The following MAP4K3 variants were observed in gnomAD, a reference collection of about 807,000 sequenced individuals.
MAP4K3 encodes mitogen-activated protein kinase kinase kinase kinase 3, also known as MAPK/ERK kinase kinase kinase 3.
In MAP4K3, 94 loss-of-function variants were observed where a neutral mutation model predicts 143.5. The ratio of observed to expected loss-of-function variants is 0.65; its 90% confidence interval spans 0.55 to 0.78. The LOEUF (loss-of-function observed/expected upper bound fraction) is 0.78. Ranked by LOEUF, MAP4K3 falls within the 30% of genes least tolerant of loss-of-function variation. The pLI, the probability that MAP4K3 is intolerant of heterozygous loss-of-function variation, is 0.00. For missense variants in MAP4K3, 1,077 were observed against 1,068.1 expected, an observed-to-expected ratio of 1.01 and a Z score of -0.12; for synonymous variants, 416 against 347.2, an observed-to-expected ratio of 1.20 and a Z score of -2.20.
intron 12 of MAP4K3, 63 bp downstream of exon 12, chr2:39,325,455 G>C: frequency 9.0e-7 from 1 of 1,106,082 alleles, no homozygotes; most frequent in Non-Finnish European, 1.3e-6. Context: ...CGTACATACA[G>C]ACACACATAT....
chr2:39,397,585 AT>A (rs1291806952), intron 1 of MAP4K3, among the ~76,000 whole-genome samples: 2 of 152,298 alleles, frequency 1.3e-5, no homozygotes, highest in African/African-American at 2.4e-5. Flanking sequence ...AAAAGTATCA[AT>A]TTTTTTCCTC....
chr2:39,436,601 G>A (rs1157470230), intron 1 of MAP4K3: 4 of 440,168 alleles, frequency 9.1e-6, no homozygotes, highest in Middle Eastern at 6.4e-4. Flanking sequence ...CTATGGATGA[G>A]CAGTGTGGCC....
intron 21 of MAP4K3, chr2:39,283,610 G>A (rs946463847): frequency 2.0e-5 from 3 of 152,112 alleles, no homozygotes; most frequent in African/African-American, 7.2e-5. Context: ...TTTGCTAAGT[G>A]AAGTTCCAAA....
At chr2:39,392,332 C>G (rs1374272921) in intron 1 of MAP4K3, among the ~76,000 whole-genome samples, 1 of 151,594 alleles carries the variant, frequency 6.6e-6, no homozygotes, top group East Asian at 1.9e-4. Flanking sequence ...TTTTTTAATT[C>G]AAAAAAGAAA....
chr2:39,412,531 A>C (rs1018218093), intron 1 of MAP4K3, among the ~76,000 whole-genome samples: 8 of 30,232 alleles, frequency 2.6e-4, no homozygotes, highest in Non-Finnish European at 8.7e-5. Context: ...ATATGATAGA[A>C]TATGACTTGA....
chr2:39,333,997 GTGTT>G (rs745679934), intron 6 of MAP4K3, among the ~76,000 whole-genome samples: 2 of 148,488 alleles, frequency 1.3e-5, no homozygotes, highest in African/African-American at 5.1e-5. Flanking sequence ...GTGTGTGTGT[GTGTT>G]TTTAAAAGAA....
chr2:39,275,800 T>C (rs887449587), intron 24 of MAP4K3, among the ~76,000 whole-genome samples: 3 of 152,344 alleles, frequency 2.0e-5, no homozygotes, highest in South Asian at 2.1e-4. Context: ...AAAATGAAGA[T>C]GAAACTGTTT....
chr2:39,362,997 A>G (rs943541991), intron 2 of MAP4K3, among the ~76,000 whole-genome samples: 3 of 152,234 alleles, frequency 2.0e-5, no homozygotes, highest in Admixed American at 2.0e-4. Flanking sequence ...GCAGCATGCA[A>G]AAGAATGACA....
chr2:39,333,955 C>T (rs1017821325), intron 6 of MAP4K3, among the ~76,000 whole-genome samples: 19 of 114,746 alleles, frequency 1.7e-4, no homozygotes, highest in Admixed American at 1.1e-3. Context: ...TTATTGTTTC[C>T]CATTTTTGTG....
intron 1 of MAP4K3, among the ~76,000 whole-genome samples, chr2:39,426,220 G>A (rs953558996): frequency 2.6e-5 from 4 of 152,072 alleles, no homozygotes; most frequent in Non-Finnish European, 4.4e-5. Context: ...CAAATGAGGG[G>A]CATTCTACAA....
chr2:39,436,861 G>A (rs779524910), intron 1 of MAP4K3, 31 bp downstream of exon 1: 1 of 1,567,270 alleles, frequency 6.4e-7, no homozygotes, highest in East Asian at 2.4e-5. Flanking sequence ...GGGATCCCAC[G>A]GCCTCGGCGG....
chr2:39,326,605 C>G (rs116902912), intron 8 of MAP4K3, among the ~76,000 whole-genome samples: 15 of 152,062 alleles, frequency 9.9e-5, no homozygotes, highest in Admixed American at 7.2e-4. Context: ...GAAGGCATGA[C>G]TGGTTTTGAA....
At position 39,316,357 on chromosome 2, in the gene MAP4K3, G is replaced by A. The variant is rs147403118; in HGVS notation, c.919-969C>T. ...CCTGTGAAAACTGAACCTCTAGCTT[G>A]TCAGGAACAAAACTGATAACTAACT... On this transcript the variant is annotated intron_variant, in intron 12 of 33. Transcript: ENST00000263881. Among the ~76,000 whole-genome samples, 913 of 152,110 alleles carry A rather than the reference G, an allele frequency of 6.0e-3. 13 individuals carry two copies. The highest frequency in any genetic ancestry group is 0.021 in the African/African-American group (854 of 41,526).
At chr2:39,290,208 A>G in intron 19 of MAP4K3, 84 bp downstream of exon 19, 1 of 970,100 alleles carries the variant, frequency 1.0e-6, no homozygotes, top group East Asian at 2.8e-5. Context: ...ATCACAAATG[A>G]AAAGCTAGAA....
At chr2:39,345,190 C>G (rs1665251254) in intron 3 of MAP4K3, among the ~76,000 whole-genome samples, 1 of 151,782 alleles carries the variant, frequency 6.6e-6, no homozygotes, top group Non-Finnish European at 1.5e-5. Flanking sequence ...CTGGGCAACA[C>G]AGTGAGACTC....
intron 13 of MAP4K3, among the ~76,000 whole-genome samples, chr2:39,315,021 G>A (rs1683067286): frequency 1.3e-5 from 2 of 152,142 alleles, no homozygotes; most frequent in South Asian, 4.1e-4. Context: ...CTCTAGGTGA[G>A]TTACATGCAC....
intron 1 of MAP4K3, among the ~76,000 whole-genome samples, chr2:39,394,274 C>A (rs1054393088): frequency 6.6e-6 from 1 of 152,102 alleles, no homozygotes; most frequent in African/African-American, 2.4e-5. Context: ...TTATAGTAAT[C>A]TTGGGAGAAA....
At chr2:39,414,740 T>C (rs1667323916) in intron 1 of MAP4K3, among the ~76,000 whole-genome samples, 2 of 152,058 alleles carry the variant, frequency 1.3e-5, no homozygotes, top group South Asian at 2.1e-4. Context: ...CTGGGCGTGG[T>C]GGCACATGCA....
chr2:39,436,837 C>T (rs538789574), intron 1 of MAP4K3, 55 bp downstream of exon 1: 34 of 1,506,054 alleles, frequency 2.3e-5, no homozygotes, highest in South Asian at 1.8e-4. Context: ...GACGCCCAGG[C>T]TTGGCTGCGG....
Sources: allele counts gnomAD v4.1 joint callset (sites outside exome capture counted in the v4.1 genomes callset), GRCh38; gene constraint gnomAD v4.1.1; transcripts MANE v1.5; gene names NCBI Gene and HGNC (gene_info 2026-07-23, HGNC 2026-07-21).